MITD1: variants seen among roughly 807,000 people sequenced by gnomAD.
MITD1 encodes the protein MIT domain-containing protein 1.
MITD1 carries 24 observed loss-of-function variants against 34.9 expected under a neutral mutation model. That is an observed-to-expected ratio of 0.69 (90% CI 0.50 to 0.97). The LOEUF (loss-of-function observed/expected upper bound fraction) is 0.97. Ranked by LOEUF, MITD1 falls within the 50% of genes least tolerant of loss-of-function variation. The pLI, the probability that MITD1 is intolerant of heterozygous loss-of-function variation, is 0.00. For synonymous variants in MITD1, 102 were observed against 101.4 expected (o/e 1.01, Z -0.04); for missense variants, 266 against 294.6 (o/e 0.90, Z 0.71).
At chr2:99,169,690 G>T in intron 5 of MITD1, 80 bp from the exon 6 acceptor site, 1 of 1,200,202 alleles carries the variant, frequency 8.3e-7, no homozygotes, top group Non-Finnish European at 1.2e-6. Flanking sequence ...TTAAGTGTCA[G>T]CAAAATTTCC....
At chr2:99,163,194 A>AC in intron 7 of MITD1, 1 of 649,134 alleles carries the variant, frequency 1.5e-6, no homozygotes, top group Non-Finnish European at 2.4e-6. Context: ...AAAAAAAACA[A>AC]AACACAACAA....
chr2:99,165,012 A>G (rs1277089809), downstream of MITD1, among the ~76,000 whole-genome samples: 1 of 141,898 alleles, frequency 7.0e-6, no homozygotes, highest in African/African-American at 2.7e-5. Context: ...GAGGAGTCAA[A>G]ATGGCATACA....
intron 7 of MITD1, chr2:99,162,685 A>G: frequency 1.2e-6 from 2 of 1,614,210 alleles, no homozygotes; most frequent in East Asian, 2.2e-5. Context: ...CAAATTGATA[A>G]TCACATTCAC....
chr2:99,173,380 G>A, intron 2 of MITD1: 1 of 415,160 alleles, frequency 2.4e-6, no homozygotes, highest in East Asian at 7.3e-5. Context: ...GGATGCTTAG[G>A]AGTAGGGAAC....
At chr2:99,171,797 A>T in intron 2 of MITD1, 151 bp from the exon 3 acceptor site, 1 of 706,280 alleles carries the variant, frequency 1.4e-6, no homozygotes, top group Non-Finnish European at 2.3e-6. Flanking sequence ...TAAATATCAT[A>T]TACATTGCAG....
chr2:99,167,030 T>G (rs764414274), downstream of MITD1, among the ~76,000 whole-genome samples: 5 of 151,740 alleles, frequency 3.3e-5, no homozygotes, highest in African/African-American at 4.8e-5. Context: ...TGTTGAGCTC[T>G]TTCTCCACTA....
intron 1 of MITD1, among the ~76,000 whole-genome samples, chr2:99,179,573 C>CT (rs796877067): frequency 4.1e-4 from 62 of 151,870 alleles, no homozygotes; most frequent in African/African-American, 1.4e-3. Context: ...GTTATTTTTT[C>CT]TTTTTTTTGA....
intron 4 of MITD1, 137 bp downstream of exon 4, chr2:99,171,206 G>T: frequency 1.5e-6 from 1 of 671,670 alleles, no homozygotes; most frequent in Non-Finnish European, 2.6e-6. Context: ...GACATGTTAT[G>T]CATACTGTTA....
chr2:99,173,816 C>G (rs2093871048), intron 2 of MITD1, 99 bp downstream of exon 2: 6 of 757,312 alleles, frequency 7.9e-6, no homozygotes, highest in Non-Finnish European at 1.4e-5. Flanking sequence ...GACAACTGGT[C>G]CAGACCACAC....
downstream of MITD1, among the ~76,000 whole-genome samples, chr2:99,165,036 A>G: frequency 1.1e-5 from 1 of 90,658 alleles, no homozygotes; most frequent in Admixed American, 1.5e-4. Context: ...ACACACACAC[A>G]CACACACACA....
intron 1 of MITD1, among the ~76,000 whole-genome samples, chr2:99,179,829 G>T (rs1357548018): frequency 6.6e-6 from 1 of 152,180 alleles, no homozygotes; most frequent in African/African-American, 2.4e-5. Flanking sequence ...CCAAAAAAGT[G>T]CTGGGATTAC....
intron 2 of MITD1, chr2:99,173,313 C>G (rs752661532): frequency 1.2e-5 from 4 of 326,472 alleles, no homozygotes; most frequent in African/African-American, 4.3e-5. Flanking sequence ...CTATAGAAAG[C>G]AGCAAGTATG....
rs2093914974 is a variant in MITD1 at position 99,180,857 on chromosome 2, A to G, written c.125T>C (p.Ile42Thr). 6 of 1,614,150 alleles carry G rather than the reference A, an allele frequency of 3.7e-6. No homozygotes were observed. Among genetic ancestry groups the G allele is most frequent in the Admixed American group, 1.7e-5 (1 of 60,012 alleles). The change falls in exon 1 of 7, where the codon ATT (isoleucine) becomes ACT (threonine). Residue 42 changes from isoleucine to threonine, a missense_variant. By Grantham distance (89) the Ile-to-Thr change is moderately conservative (BLOSUM62 -1). Transcript: ENST00000289359. ...PQALVCYQEG[I>T]DLLLQVLKGT... ...TTTCAGAACCTGCAGGAGCAGATCA[A>G]TCCCCTCTTGGTAACACACCAGAGC... is the stretch of plus-strand genomic sequence containing the variant.
At chr2:99,161,968 C>T in exon 8 of MITD1, 2 of 1,596,504 alleles carry the variant, frequency 1.3e-6, no homozygotes, top group South Asian at 1.1e-5. Context: ...ATGCTGATCC[C>T]ATTTTCAATG....
chr2:99,165,292 C>G (rs894036328), downstream of MITD1, among the ~76,000 whole-genome samples: 15 of 151,992 alleles, frequency 9.9e-5, no homozygotes, highest in African/African-American at 3.6e-4. Context: ...TTCTTGAACT[C>G]CTGACCTCAG....
intron 7 of MITD1, chr2:99,162,823 A>G (rs1196217039): frequency 1.7e-5 from 28 of 1,614,094 alleles, no homozygotes; most frequent in Non-Finnish European, 2.1e-5. Flanking sequence ...CATGTGTTAT[A>G]TGAACAGTCA....
rs551009669 is a variant in MITD1 at position 99,169,383 on chromosome 2, T to C, written c.742A>G (p.Asn248Asp). 5.1e-6 allele frequency: 8 copies of C among 1,556,158 alleles called. No individual in the cohort carries two copies. In the East Asian group the frequency reaches 6.7e-5, roughly 13 times the overall value. ...AATTAGGCTACCACCCATCATATAT[T>C]TTTTGTATGCTTCTTATGAAAAATG... is the stretch of plus-strand genomic sequence containing the variant. ...VDIFHKKHTK[N>D]I is the part of the protein sequence containing the mutation. Residue 248 changes from asparagine to aspartate, a missense_variant, in exon 7 of 7, where the codon AAT becomes GAT. By Grantham distance (23) the Asn-to-Asp change is conservative. Transcript: ENST00000289359.
intron 1 of MITD1, chr2:99,178,446 T>G (rs958707468): frequency 6.6e-6 from 1 of 152,220 alleles, no homozygotes; most frequent in African/African-American, 2.4e-5. Flanking sequence ...CTAAGTGCTG[T>G]GGATACAGCA....
At chr2:99,162,061 A>G (rs777291462) in exon 8 of MITD1, 7 of 1,614,062 alleles carry the variant, frequency 4.3e-6, no homozygotes, top group Non-Finnish European at 4.2e-6. Flanking sequence ...CTCATTTTAC[A>G]GTCAATTTCC....
Sources: allele counts gnomAD v4.1 joint callset (sites outside exome capture counted in the v4.1 genomes callset), GRCh38; gene constraint gnomAD v4.1.1; transcripts MANE v1.5; gene names NCBI Gene and HGNC (gene_info 2026-07-23, HGNC 2026-07-21).